Variants in ERG observed in about 807,000 individuals in gnomAD.
ERG encodes the protein transcriptional regulator ERG.
A neutral mutation model predicts 55.3 loss-of-function variants in ERG; 9 were observed. That is an observed-to-expected ratio of 0.16 (90% CI 0.10 to 0.28). ERG has a LOEUF of 0.28. Among genes scored for constraint, ERG ranks in the 10% least tolerant of loss-of-function variants. The pLI is 1.00. For missense variants in ERG, 434 were observed against 631.6 expected, an observed-to-expected ratio of 0.69 and a Z score of 3.35; for synonymous variants, 223 against 237.3, an observed-to-expected ratio of 0.94 and a Z score of 0.55.
chr21:38,423,438 C>T lies in ERG; in HGVS notation c.360G>A (p.Thr120=), dbSNP rs200326224. ...CTGGCACGATAACTCTGCGCTCGTTCGTGGTCATGTTTGGGGGTGGCATGT... is the reference window on the plus strand; with the variant it reads ...CTGGCACGATAACTCTGCGCTCGTTTGTGGTCATGTTTGGGGGTGGCATGT... ...EKHMPPPNMT[T]NERRVIVPAD... Residue 120 remains threonine (T), a synonymous_variant, in exon 3 of 10, where the codon ACG becomes ACA. Transcript: ENST00000288319. 2.2e-4 allele frequency: 355 copies of T among 1,613,954 alleles called. 1 individual carries two copies. The highest frequency in any genetic ancestry group is 6.9e-4 in the East Asian group (31 of 44,854).
At chr21:38,477,584 A>G (rs2059200637) in intron 1 of ERG, among the ~76,000 whole-genome samples, 1 of 152,166 alleles carries the variant, frequency 6.6e-6, no homozygotes, top group Non-Finnish European at 1.5e-5. Context: ...AACTTTCACA[A>G]CACTGAAGAG....
intron 1 of ERG, among the ~76,000 whole-genome samples, chr21:38,657,118 TA>T (rs1398800594): frequency 2.0e-5 from 1 of 50,246 alleles, no homozygotes; most frequent in Non-Finnish European, 3.7e-5. Flanking sequence ...TCTGGGATAA[TA>T]ACAAAAAAAA....
upstream of ERG, among the ~76,000 whole-genome samples, chr21:38,500,611 T>C (rs2059413830): frequency 6.6e-6 from 1 of 152,222 alleles, no homozygotes; most frequent in African/African-American, 2.4e-5. Context: ...TCTCTCTCTC[T>C]CAATCTCTGT....
chr21:38,534,929 T>G (rs919711191), intron 2 of ERG, among the ~76,000 whole-genome samples: 1 of 152,276 alleles, frequency 6.6e-6, no homozygotes, highest in Non-Finnish European at 1.5e-5. Context: ...TAGATGAATC[T>G]TTTTTTAAAT....
At chr21:38,504,850 G>A (rs930359400) in intron 2 of ERG, among the ~76,000 whole-genome samples, 4 of 152,262 alleles carry the variant, frequency 2.6e-5, no homozygotes, top group African/African-American at 9.6e-5. Context: ...TTTAAGAAGT[G>A]TGTCAATCTC....
rs530165903 is a variant in ERG, at chr21:38,461,110, C to A, written c.19-15489G>T. On this transcript the variant is annotated intron_variant, in intron 1 of 9. Transcript: ENST00000288319. ...CTAGGGTTGCCAAGACAATGTACCA[C>A]GGACTGAGGGGCTTAAGCAACAGAC... Among the ~76,000 whole-genome samples, 7 of 152,290 alleles carry A rather than the reference C, an allele frequency of 4.6e-5. No homozygotes were observed. The South Asian group carries it at 8.3e-4, about 18-fold the overall frequency.
chr21:38,537,014 T>C (rs1242519117), intron 2 of ERG, among the ~76,000 whole-genome samples: 1 of 152,190 alleles, frequency 6.6e-6, no homozygotes, highest in Non-Finnish European at 1.5e-5. Flanking sequence ...TATGGTCTGA[T>C]AACTTTTGAA....
chr21:38,660,659 G>T (rs2060548199), intron 1 of ERG: 2 of 151,984 alleles, frequency 1.3e-5, no homozygotes, highest in Non-Finnish European at 1.5e-5. Context: ...CGGCGCCGAC[G>T]GGCTCAGCCC....
intron 1 of ERG, among the ~76,000 whole-genome samples, chr21:38,602,542 C>T (rs1056133940): frequency 7.9e-5 from 12 of 151,964 alleles, no homozygotes; most frequent in African/African-American, 1.7e-4. Context: ...TGGACTTTAA[C>T]GGGGCAGGGG....
chr21:38,553,841 A>G (rs552385744), intron 2 of ERG, among the ~76,000 whole-genome samples: 23 of 152,002 alleles, frequency 1.5e-4, no homozygotes, highest in Non-Finnish European at 2.9e-4. Context: ...GGACCTAATT[A>G]AACTAAAGAG....
intron 2 of ERG, among the ~76,000 whole-genome samples, chr21:38,514,973 G>C (rs2059540924): frequency 6.6e-6 from 1 of 151,906 alleles, no homozygotes; most frequent in Non-Finnish European, 1.5e-5. Flanking sequence ...AAATTTTTAA[G>C]TGATACTGTT....
At chr21:38,375,527 T>G (rs541070846), downstream of ERG, among the ~76,000 whole-genome samples, 2 of 152,282 alleles carry the variant, frequency 1.3e-5, no homozygotes, top group East Asian at 3.9e-4. Context: ...ACTGATTTTA[T>G]CTTGGATGCT....
At chr21:38,458,503 C>T (rs1462150779) in intron 1 of ERG, among the ~76,000 whole-genome samples, 3 of 151,560 alleles carry the variant, frequency 2.0e-5, no homozygotes, top group South Asian at 2.1e-4. Context: ...AGATGTCAGG[C>T]AGAATTTTTA....
At chr21:38,587,821 C>T (rs2060075645), upstream of ERG, among the ~76,000 whole-genome samples, 1 of 152,190 alleles carries the variant, frequency 6.6e-6, no homozygotes, top group Non-Finnish European at 1.5e-5. Flanking sequence ...ATTTCCTATA[C>T]TATGCTATTC....
At chr21:38,509,655 G>C (rs756313408) in intron 2 of ERG, among the ~76,000 whole-genome samples, 1 of 152,026 alleles carries the variant, frequency 6.6e-6, no homozygotes, top group Non-Finnish European at 1.5e-5. Context: ...CATGCTGTTG[G>C]CACCCCATTC....
At chr21:38,390,966 TAAG>T in intron 9 of ERG, 26 bp downstream of exon 9, 1 of 1,596,366 alleles carries the variant, frequency 6.3e-7, no homozygotes, top group Non-Finnish European at 8.6e-7. Flanking sequence ...AGTAATTTTG[TAAG>T]AAGAAAATCA....
rs187577535 is a variant in ERG, at chr21:38,562,177, T to C, written c.-41+13485A>G. On this transcript the variant is annotated intron_variant, in intron 2 of 8. Coordinates refer to the ERG transcript ENST00000398897. ...AATGTATCCAGAGTACAAACTAATG[T>C]AGATTATTATAAAACTCAGTGTGTA... Among the ~76,000 whole-genome samples the C allele has an allele frequency of 8.5e-5, 13 of 152,314 alleles. 1 individual carries two copies. Among genetic ancestry groups the C allele is most frequent in the African/African-American group, 3.1e-4 (13 of 41,560 alleles).
At chr21:38,388,952 G>C (rs924480202) in intron 9 of ERG, among the ~76,000 whole-genome samples, 1 of 152,216 alleles carries the variant, frequency 6.6e-6, no homozygotes, top group Non-Finnish European at 1.5e-5. Flanking sequence ...CCTTTGGGCT[G>C]TGACAACGTG....
intron 1 of ERG, among the ~76,000 whole-genome samples, chr21:38,603,605 G>T (rs1019327365): frequency 3.9e-5 from 6 of 152,024 alleles, no homozygotes; most frequent in African/African-American, 1.5e-4. Flanking sequence ...CCTTCTCACT[G>T]AGTCTGCTAT....
Sources: allele counts gnomAD v4.1 joint callset (sites outside exome capture counted in the v4.1 genomes callset), GRCh38; gene constraint gnomAD v4.1.1; transcripts MANE v1.5; gene names NCBI Gene and HGNC (gene_info 2026-07-23, HGNC 2026-07-21).